Variants in PTPRM observed in about 807,000 individuals in gnomAD.
PTPRM encodes receptor-type tyrosine-protein phosphatase mu.
PTPRM carries 47 observed loss-of-function variants against 186.7 expected under a neutral mutation model. The observed-to-expected ratio is 0.25, with a 90% CI of 0.20 to 0.32. The LOEUF is 0.32. PTPRM is among the 10% of genes least tolerant of loss of function. The probability of loss-of-function intolerance (pLI) is 1.00; values close to 1 mark genes in which losing one functional copy is unlikely to be tolerated. For missense variants in PTPRM, 1,494 were observed against 1,865.0 expected, an observed-to-expected ratio of 0.80 and a Z score of 3.66; for synonymous variants, 668 against 674.9, an observed-to-expected ratio of 0.99 and a Z score of 0.16.
intron 4 of PTPRM, among the ~76,000 whole-genome samples, chr18:7,910,603 T>C (rs932326031): frequency 3.3e-5 from 5 of 152,138 alleles, no homozygotes; most frequent in African/African-American, 1.2e-4. Flanking sequence ...GAAGTGAAGA[T>C]ACAAAGTTAC....
chr18:7,919,310 T>C (rs1490012595), intron 4 of PTPRM, among the ~76,000 whole-genome samples: 2 of 152,180 alleles, frequency 1.3e-5, no homozygotes, highest in Admixed American at 1.3e-4. Flanking sequence ...ATTTTAGCAT[T>C]ATATTTTCTA....
chr18:8,122,084 T>A (rs2092194674), intron 13 of PTPRM: 1 of 152,384 alleles, frequency 6.6e-6, no homozygotes, highest in African/African-American at 2.4e-5. Context: ...AGCACCTTGC[T>A]ATGTTTTTTT....
intron 1 of PTPRM, among the ~76,000 whole-genome samples, chr18:7,656,655 GT>G (rs1344102003): frequency 5.3e-5 from 8 of 152,120 alleles, no homozygotes; most frequent in African/African-American, 1.4e-4. Flanking sequence ...AACAGAAGGG[GT>G]TTTTAGGGTA....
chr18:7,768,982 C>G (rs1333553982), intron 1 of PTPRM, among the ~76,000 whole-genome samples: 1 of 152,006 alleles, frequency 6.6e-6, no homozygotes, highest in African/African-American at 2.4e-5. Context: ...CAGTTTTAAT[C>G]TAGAATGCAC....
intron 19 of PTPRM, among the ~76,000 whole-genome samples, chr18:8,272,257 T>C (rs1264278453): frequency 6.6e-6 from 1 of 151,474 alleles, no homozygotes; most frequent in African/African-American, 2.4e-5. Flanking sequence ...AAGAAATAGC[T>C]TTTGTGTTTG....
chr18:7,872,696 C>A (rs893799871), intron 2 of PTPRM, among the ~76,000 whole-genome samples: 2 of 152,286 alleles, frequency 1.3e-5, no homozygotes, highest in South Asian at 4.1e-4. Flanking sequence ...CTGTGGAGGG[C>A]ACTCTGTGGA....
chr18:7,794,779 C>T (rs2043528738), intron 2 of PTPRM, among the ~76,000 whole-genome samples: 1 of 152,170 alleles, frequency 6.6e-6, no homozygotes, highest in African/African-American at 2.4e-5. Context: ...AGTAATACCA[C>T]TTAAAAATTA....
intron 8 of PTPRM, among the ~76,000 whole-genome samples, chr18:8,071,909 T>C (rs1427941245): frequency 2.0e-5 from 3 of 152,222 alleles, no homozygotes; most frequent in Non-Finnish European, 4.4e-5. Context: ...GAAGTGAGAA[T>C]AATAACAATT....
intron 14 of PTPRM, among the ~76,000 whole-genome samples, chr18:8,164,877 T>C (rs1018976329): frequency 7.7e-6 from 1 of 130,134 alleles, no homozygotes; most frequent in East Asian, 2.4e-4. Flanking sequence ...ACAATAAATA[T>C]CTTCTAAGGC....
intron 14 of PTPRM, among the ~76,000 whole-genome samples, chr18:8,219,737 G>A (rs1395997599): frequency 6.6e-6 from 1 of 152,134 alleles, no homozygotes; most frequent in African/African-American, 2.4e-5. Context: ...ACAAAACTTG[G>A]TCTAAAAACT....
intron 2 of PTPRM, among the ~76,000 whole-genome samples, chr18:7,806,536 A>T (rs954128483): frequency 6.6e-6 from 1 of 152,198 alleles, no homozygotes. Flanking sequence ...GAAAAATTTT[A>T]AAAAATCAAT....
intron 7 of PTPRM, among the ~76,000 whole-genome samples, chr18:8,031,877 G>A (rs1485275437): frequency 6.6e-6 from 1 of 152,164 alleles, no homozygotes; most frequent in East Asian, 1.9e-4. Context: ...GAGAGAAGGA[G>A]CAAGGGATAA....
chr18:7,711,197 T>TG (rs2040205147), intron 1 of PTPRM, among the ~76,000 whole-genome samples: 1 of 151,838 alleles, frequency 6.6e-6, no homozygotes, highest in Non-Finnish European at 1.5e-5. Context: ...AGAAACAGGG[T>TG]GGGGCATTGC....
intron 14 of PTPRM, among the ~76,000 whole-genome samples, chr18:8,162,144 A>T (rs1416734623): frequency 1.3e-5 from 2 of 150,534 alleles, no homozygotes; most frequent in Non-Finnish European, 3.0e-5. Flanking sequence ...TTGTTGCCCA[A>T]GCTGGAGTGC....
At chr18:7,757,002 C>T (rs549983508) in intron 1 of PTPRM, among the ~76,000 whole-genome samples, 3 of 152,286 alleles carry the variant, frequency 2.0e-5, no homozygotes, top group East Asian at 3.9e-4. Context: ...ATATTCTTTG[C>T]GCTGCAGCAA....
chr18:8,186,325 C>CAAAAA (rs5822996), intron 14 of PTPRM, among the ~76,000 whole-genome samples: 1 of 94,782 alleles, frequency 1.1e-5, no homozygotes, highest in African/African-American at 3.8e-5. Flanking sequence ...TACTCCATCT[C>CAAAAA]AAAAAAAAAA....
At chr18:7,626,076 T>C (rs1009109902) in intron 1 of PTPRM, among the ~76,000 whole-genome samples, 2 of 152,206 alleles carry the variant, frequency 1.3e-5, no homozygotes, top group South Asian at 2.1e-4. Flanking sequence ...TAAAAGCATC[T>C]AATGCTAGGC....
At chr18:7,614,225 G>A (rs1004543280) in intron 1 of PTPRM, among the ~76,000 whole-genome samples, 3 of 152,170 alleles carry the variant, frequency 2.0e-5, no homozygotes, top group African/African-American at 7.2e-5. Context: ...GCGTAAAACA[G>A]TACAAACACC....
intron 13 of PTPRM, among the ~76,000 whole-genome samples, chr18:8,129,968 ATCAG>A (rs1165795876): frequency 6.6e-6 from 1 of 152,202 alleles, no homozygotes; most frequent in Non-Finnish European, 1.5e-5. Flanking sequence ...TTTCAGCAAT[ATCAG>A]TGTGAAACGT....
Sources: gnomAD v4.1 joint callset for allele counts (sites outside exome capture counted in the v4.1 genomes callset) on GRCh38, gnomAD v4.1.1 for gene constraint, MANE v1.5 for transcripts, NCBI Gene and HGNC (gene_info 2026-07-23, HGNC 2026-07-21) for gene names.